The following STAT1 variants were observed in gnomAD, a reference collection of about 807,000 sequenced individuals.
STAT1 encodes the protein signal transducer and activator of transcription 1.
STAT1 carries 24 observed loss-of-function variants against 111.7 expected under a neutral mutation model. That is an observed-to-expected ratio of 0.21 (90% CI 0.16 to 0.30). STAT1 has a LOEUF of 0.30. Ranked by LOEUF, STAT1 falls within the 10% of genes least tolerant of loss-of-function variation. The pLI, the probability that STAT1 is intolerant of heterozygous loss-of-function variation, is 1.00. For missense variants in STAT1, 351 were observed against 911.9 expected, an observed-to-expected ratio of 0.38 and a Z score of 7.92; for synonymous variants, 332 against 326.5, an observed-to-expected ratio of 1.02 and a Z score of -0.18.
chr2:191,011,077 T>C (rs191770061), intron 2 of STAT1, among the ~76,000 whole-genome samples: 5 of 152,342 alleles, frequency 3.3e-5, no homozygotes, highest in Admixed American at 2.6e-4. Context: ...TGCATACTTG[T>C]AGCCGAGCAC....
chr2:190,984,321 T>C lies in STAT1; in HGVS notation c.1336A>G (p.Ile446Val), dbSNP rs1313271807. ...ETQLCQPGLV[I>V]DLETTSLPVV... ...CATAAAAGTCTTACCTCGAGGTCAATTACCAAACCAGGCTGGCACAATTGG... is the reference window on the plus strand; with the variant it reads ...CATAAAAGTCTTACCTCGAGGTCAACTACCAAACCAGGCTGGCACAATTGG... Residue 446 changes from isoleucine to valine, a missense_variant, in exon 16 of 25, where the codon ATT (isoleucine) becomes GTT (valine). Ile to Val is a conservative substitution (Grantham distance 29). Coordinates refer to ENST00000361099, the MANE Select transcript of STAT1 (RefSeq NM_007315.4). The surrounding 1 kb of genome is among the most constrained non-coding windows in gnomAD (Gnocchi z 5.2). The C allele has an allele frequency of 2.5e-6, 4 of 1,613,834 alleles. No individual in the cohort carries two copies. The highest frequency in any genetic ancestry group is 2.7e-5 in the African/African-American group (2 of 74,914).
At chr2:191,002,554 G>T (rs1346824672) in intron 5 of STAT1, among the ~76,000 whole-genome samples, 2 of 152,140 alleles carry the variant, frequency 1.3e-5, no homozygotes, top group African/African-American at 2.4e-5. Context: ...CAACTTGTTG[G>T]TATTTTTATT....
chr2:191,009,191 GAAATTATTAAAAA>G (rs1694939598), intron 3 of STAT1, 84 bp from the exon 4 acceptor site: 55 of 1,462,300 alleles, frequency 3.8e-5, no homozygotes, highest in Non-Finnish European at 5.1e-5. Context: ...TTTCCTTATT[GAAATTATTAAAAA>G]TAATTTAAGT....
At position 190,983,717 on chromosome 2, in the gene STAT1, C is replaced by G. The variant is rs144704615; in HGVS notation, c.1371G>C (p.Val457=). 8 of 1,614,178 alleles carry G rather than the reference C, an allele frequency of 5.0e-6. No homozygotes were observed. In the African/African-American group the frequency reaches 6.7e-5, roughly 13 times the overall value. The part of the protein sequence containing the change: ...DLETTSLPVV[V]ISNVSQLPSG... Reference sequence around the variant, plus strand: ...TCGGGAGCTGGCTGACGTTGGAGATCACCACAACGGGCAGAGAGGTCGTCT... The same window carrying G: ...TCGGGAGCTGGCTGACGTTGGAGATGACCACAACGGGCAGAGAGGTCGTCT... The change falls in exon 17 of 25, where the codon GTG becomes GTC. Residue 457 remains valine (V), a synonymous_variant. Coordinates refer to ENST00000361099, the MANE Select transcript of STAT1 (RefSeq NM_007315.4). This position sits in a 1 kb window ranked among gnomAD's most constrained non-coding sequence, Gnocchi z 5.7.
In STAT1 at chr2:190,979,070, C is replaced by T. The variant is rs1692136060; in HGVS notation, c.1728-69G>A. ...TGATTTCCATTTTCATGCTAACTTACAAACCAAGAAAATGGCTGGAATGTG... is the reference window on the plus strand; with the variant it reads ...TGATTTCCATTTTCATGCTAACTTATAAACCAAGAAAATGGCTGGAATGTG... On this transcript the variant is annotated intron_variant, in intron 20 of 24. Transcript: ENST00000361099. The surrounding 1 kb of genome is among the most constrained non-coding windows in gnomAD (Gnocchi z 5.8). 1.9e-6 allele frequency: 3 copies of T among 1,597,702 alleles called. No homozygotes were observed. In the Admixed American group the frequency reaches 5.1e-5, roughly 27 times the overall value.
At chr2:190,994,924 AAAAATATATAT>A in intron 10 of STAT1, 126 bp downstream of exon 10, 1 of 99,918 alleles carries the variant, frequency 1.0e-5, no homozygotes, top group Non-Finnish European at 1.7e-5. Flanking sequence ...CAAAAAAAAA[AAAAATATATAT>A]ATATATATAT....
intron 10 of STAT1, among the ~76,000 whole-genome samples, chr2:190,994,683 G>C (rs1401796447): frequency 6.6e-6 from 1 of 152,018 alleles, no homozygotes; most frequent in Non-Finnish European, 1.5e-5. Flanking sequence ...CACTTTGGGA[G>C]GCCGAGGAGG....
chr2:190,992,388 T>C (rs898860406), intron 10 of STAT1, among the ~76,000 whole-genome samples: 4 of 152,088 alleles, frequency 2.6e-5, no homozygotes, highest in African/African-American at 9.7e-5. Flanking sequence ...CAGTCTGATA[T>C]CAGGAAAATA....
At chr2:190,992,664 T>C in intron 10 of STAT1, 1 of 1,249,510 alleles carries the variant, frequency 8.0e-7, no homozygotes, top group South Asian at 2.4e-5. Context: ...ACCTGACTGC[T>C]TGACCAGAGT....
In STAT1 at chr2:190,984,280, T is replaced by C. The variant is rs1692609206; in HGVS notation, c.1347+30A>G. On this transcript the variant is annotated intron_variant, in intron 16 of 24. Transcript: ENST00000361099. The surrounding 1 kb of genome is among the most constrained non-coding windows in gnomAD (Gnocchi z 5.2). The stretch of plus-strand genomic sequence containing the variant: ...ACAATTAAAAGTAAAAATAATGAAG[T>C]TTTCCAACTCGGGACCATAAAAGTC... 4.5e-6 allele frequency: 7 copies of C among 1,552,092 alleles called. No individual in the cohort carries two copies. The highest frequency in any genetic ancestry group is 5.3e-6 in the Non-Finnish European group (6 of 1,124,166).
In STAT1 at chr2:190,971,590, A is replaced by G. The variant is rs1184747221; in HGVS notation, c.2239-873T>C. ...CTCTGGAGAACTTTTTTTTAATCCC[A>G]AGTGCTCAATAGTGTGTGGTACATA... On this transcript the variant is annotated intron_variant, in intron 24 of 24. Transcript: ENST00000361099. This position sits in a 1 kb window ranked among gnomAD's most constrained non-coding sequence, Gnocchi z 4.1. Among the ~76,000 whole-genome samples the G allele has an allele frequency of 6.6e-6, 1 of 152,126 alleles. No individual in the cohort carries two copies. The highest frequency in any genetic ancestry group is 1.9e-4 in the East Asian group (1 of 5,200).
chr2:190,976,574 T>C lies in STAT1; in HGVS notation c.2059+266A>G, dbSNP rs1248230782. On this transcript the variant is annotated intron_variant, in intron 22 of 24. Transcript: ENST00000361099. This position sits in a 1 kb window ranked among gnomAD's most constrained non-coding sequence, Gnocchi z 6.0. ...GTTCCTTATTTAAACCCTTTTCATG[T>C]GGAAACAGTGATAGTAACAAATACA... Among the ~76,000 whole-genome samples the C allele has an allele frequency of 6.6e-6, 1 of 152,212 alleles. No homozygotes were observed. Among genetic ancestry groups the C allele is most frequent in the Non-Finnish European group, 1.5e-5 (1 of 68,040 alleles).
At position 191,012,199 on chromosome 2, in the gene STAT1, G is replaced by T. The variant is rs1015241350; in HGVS notation, c.-2+1326C>A. On this transcript the variant is annotated intron_variant, in intron 2 of 24. Coordinates refer to ENST00000361099, the MANE Select transcript of STAT1 (RefSeq NM_007315.4). This position sits in a 1 kb window ranked among gnomAD's most constrained non-coding sequence, Gnocchi z 4.0. The stretch of plus-strand genomic sequence containing the variant: ...AGGCCAAGGTGGGCGGATTGCCTGA[G>T]CTCCGGAGTTCAAGACCAGCCTGGG... 1.3e-4 allele frequency among the ~76,000 whole-genome samples: 19 copies of T among 151,760 alleles called. No homozygotes were observed. Among genetic ancestry groups the T allele is most frequent in the Non-Finnish European group, 2.9e-5 (2 of 67,910 alleles).
Position 190,980,704 on chromosome 2 carries a change from G to A in STAT1, c.1583-35C>T, listed in dbSNP as rs2125013182. 1 of 1,607,882 alleles carries A rather than the reference G, an allele frequency of 6.2e-7. No homozygotes were observed. The highest frequency in any genetic ancestry group is 1.3e-5 in the African/African-American group (1 of 74,902). On this transcript the variant is annotated intron_variant, in intron 18 of 24. Coordinates refer to ENST00000361099, the MANE Select transcript of STAT1 (RefSeq NM_007315.4). This position sits in a 1 kb window ranked among gnomAD's most constrained non-coding sequence, Gnocchi z 6.1. ...TAAAAACCAGATTTTTCAGCAAACA[G>A]AAACTGATTCTAAAGCTTTGGTTGG...
rs1321011450 is a variant in STAT1, at chr2:190,979,402, T to C, written c.1727+370A>G. ...GATCAAGTTAAAGCTTCTGTTGAAA[T>C]ATCAGCCGATCCTGGCAATAAGTCA... On this transcript the variant is annotated intron_variant, in intron 20 of 24. Transcript: ENST00000361099. The surrounding 1 kb of genome is among the most constrained non-coding windows in gnomAD (Gnocchi z 5.8). 6.6e-6 allele frequency among the ~76,000 whole-genome samples: 1 copy of C among 152,196 alleles called. No individual in the cohort carries two copies. The highest frequency in any genetic ancestry group is 1.5e-5 in the Non-Finnish European group (1 of 68,036).
chr2:190,985,840 T>C (rs2280233), intron 14 of STAT1, among the ~76,000 whole-genome samples, 180 bp from the exon 15 acceptor site: 57,863 of 152,064 alleles, frequency 0.38, 12,202 homozygotes, highest in Non-Finnish European at 0.48. Context: ...GCACGTTTCC[T>C]CAGTGGCCTC....
chr2:190,974,009 A>G lies in STAT1; in HGVS notation c.2238+821T>C, dbSNP rs926696300. Among the ~76,000 whole-genome samples, 37 of 152,156 alleles carry G rather than the reference A, an allele frequency of 2.4e-4. No homozygotes were observed. Among genetic ancestry groups the G allele is most frequent in the African/African-American group, 8.7e-4 (36 of 41,412 alleles). ...ACTTTTTGCCAGGCACCGGGTATAC[A>G]GTAAGGAAGAAAGGCCAGTAATAAC... On this transcript the variant is annotated intron_variant, in intron 24 of 24. Transcript: ENST00000361099. This position sits in a 1 kb window ranked among gnomAD's most constrained non-coding sequence, Gnocchi z 4.8.
At position 190,981,165 on chromosome 2, in the gene STAT1, C is replaced by T. The variant is rs1692360279; in HGVS notation, c.1583-496G>A. ...CCTAGAGAAGCCTCCCTATCCAGTG[C>T]CTCTTCCCACTGCCTTCCTCTGCTG... On this transcript the variant is annotated intron_variant, in intron 18 of 24. Coordinates refer to ENST00000361099, the MANE Select transcript of STAT1 (RefSeq NM_007315.4). This position sits in a 1 kb window ranked among gnomAD's most constrained non-coding sequence, Gnocchi z 4.1. 6.6e-6 allele frequency among the ~76,000 whole-genome samples: 1 copy of T among 152,174 alleles called. No homozygotes were observed. Among genetic ancestry groups the T allele is most frequent in the Non-Finnish European group, 1.5e-5 (1 of 68,024 alleles).
At chr2:191,005,849 C>T (rs569390950) in intron 5 of STAT1, among the ~76,000 whole-genome samples, 2 of 152,338 alleles carry the variant, frequency 1.3e-5, no homozygotes, top group African/African-American at 4.8e-5. Flanking sequence ...CATCCCCAGA[C>T]ACCCAGAAAC....
Sources: allele counts gnomAD v4.1 joint callset (sites outside exome capture counted in the v4.1 genomes callset), GRCh38; gene constraint gnomAD v4.1.1; non-coding constraint Gnocchi (gnomAD v3.1); transcripts MANE v1.5; gene names NCBI Gene and HGNC (gene_info 2026-07-23, HGNC 2026-07-21).